AFF4: variants seen among roughly 807,000 people sequenced by gnomAD.
AFF4 encodes the protein AF4/FMR2 family member 4.
Under a neutral mutation model 124.8 loss-of-function variants are expected in AFF4, and 13 were observed. The ratio of observed to expected loss-of-function variants is 0.10; its 90% CI spans 0.07 to 0.17. The LOEUF (loss-of-function observed/expected upper bound fraction) is 0.17, where lower values mean the gene tolerates loss of function less well. Among genes scored for constraint, AFF4 ranks in the 10% least tolerant of loss-of-function variants. The pLI is 1.00. For synonymous variants in AFF4, 477 were observed against 496.1 expected, an observed-to-expected ratio of 0.96 and a Z score of 0.51; for missense variants, 1,092 against 1,403.8, an observed-to-expected ratio of 0.78 and a Z score of 3.55.
chr5:132,945,928 C>T (rs368367266), intron 1 of AFF4, among the ~76,000 whole-genome samples: 14 of 150,688 alleles, frequency 9.3e-5, no homozygotes, highest in East Asian at 7.9e-4. Flanking sequence ...GGCGTGGTGG[C>T]GCAAGCCTGT....
At chr5:132,926,850 G>A (rs1056975662) in intron 5 of AFF4, 5 of 287,720 alleles carry the variant, frequency 1.7e-5, no homozygotes, top group Admixed American at 1.7e-4. Flanking sequence ...GTGAGCCACC[G>A]TGTCCGGCTG....
intron 1 of AFF4, among the ~76,000 whole-genome samples, chr5:132,955,279 G>C (rs938018341): frequency 6.6e-6 from 1 of 151,870 alleles, no homozygotes; most frequent in Non-Finnish European, 1.5e-5. Flanking sequence ...TATGGAAAAG[G>C]AAACATTCAG....
At chr5:132,949,610 G>T (rs1187699596) in intron 1 of AFF4, among the ~76,000 whole-genome samples, 1 of 151,898 alleles carries the variant, frequency 6.6e-6, no homozygotes, top group Non-Finnish European at 1.5e-5. Flanking sequence ...AGGAGACTGA[G>T]ACCATCCTGC....
At chr5:132,922,778 CA>C (rs554387527) in intron 5 of AFF4, among the ~76,000 whole-genome samples, 374 of 56,728 alleles carry the variant, frequency 6.6e-3, no homozygotes, top group Admixed American at 0.011. Context: ...GACTCCATCT[CA>C]AAAAAAAAAA....
At chr5:132,898,995 A>G in intron 9 of AFF4, 109 bp downstream of exon 9, 1 of 984,996 alleles carries the variant, frequency 1.0e-6, no homozygotes, top group South Asian at 1.5e-5. Flanking sequence ...GAATTGTACA[A>G]CCATTATCAA....
intron 1 of AFF4, chr5:132,945,030 A>G (rs1761665686): frequency 5.1e-6 from 1 of 196,058 alleles, no homozygotes; most frequent in African/African-American, 2.3e-5. Flanking sequence ...GTCTGCCCAG[A>G]AAGCTCGGAA....
chr5:132,918,179 G>A lies in AFF4; in HGVS notation c.1050+8942C>T, dbSNP rs945207934. On this transcript the variant is annotated intron_variant, in intron 5 of 20. Coordinates refer to ENST00000265343, the MANE Select transcript of AFF4 (RefSeq NM_014423.4). ...AGGCCAAGGTGGGCAGACCACTTGA[G>A]GCCAGGAGTTCGAGACTATCCTGGC... Among the ~76,000 whole-genome samples, 4 of 151,756 alleles carry A rather than the reference G, an allele frequency of 2.6e-5. No individual in the cohort carries two copies. In the East Asian group the frequency reaches 7.8e-4, roughly 29 times the overall value.
intron 5 of AFF4, among the ~76,000 whole-genome samples, chr5:132,920,413 G>A (rs898292738): frequency 2.7e-5 from 4 of 148,072 alleles, no homozygotes; most frequent in Non-Finnish European, 5.9e-5. Flanking sequence ...CTGGAGTGCA[G>A]TGGCATAATC....
chr5:132,958,961 C>A (rs889531383), intron 1 of AFF4, among the ~76,000 whole-genome samples: 34 of 152,246 alleles, frequency 2.2e-4, no homozygotes, highest in African/African-American at 7.9e-4. Flanking sequence ...ACATGAAGTT[C>A]TTTTACCTGT....
chr5:132,932,121 A>C, intron 4 of AFF4, 57 bp downstream of exon 4: 8 of 1,285,538 alleles, frequency 6.2e-6, no homozygotes, highest in Non-Finnish European at 8.7e-6. Context: ...GAGGGTAAGA[A>C]GGTGGCAGAG....
chr5:132,914,334 G>A (rs1011469382), intron 5 of AFF4, among the ~76,000 whole-genome samples: 6 of 152,026 alleles, frequency 3.9e-5, no homozygotes, highest in Non-Finnish European at 5.9e-5. Context: ...CGGGCGCAGC[G>A]GCTCACGCCT....
At chr5:132,890,834 C>T (rs1048223480) in intron 13 of AFF4, among the ~76,000 whole-genome samples, 7 of 151,896 alleles carry the variant, frequency 4.6e-5, no homozygotes, top group African/African-American at 1.5e-4. Flanking sequence ...AAGTTAAGCA[C>T]CGGATAAAAC....
Position 132,894,461 on chromosome 5 carries a change from T to C in AFF4, c.2308-1343A>G, listed in dbSNP as rs80288003. On this transcript the variant is annotated intron_variant, in intron 11 of 20. Transcript: ENST00000265343. ...TCTAAGTGAATCTAAGTTTTCCTTT[T>C]GCTTCAAATATCAGGGCACGAGAAT... Among the ~76,000 whole-genome samples the C allele has an allele frequency of 7.1e-4, 108 of 152,350 alleles. 2 individuals are homozygous for C. The East Asian group carries it at 0.02, about 28-fold the overall frequency.
chr5:132,881,018 G>A lies in AFF4; in HGVS notation c.*41C>T, dbSNP rs1223382119. On this transcript the variant is annotated 3_prime_UTR_variant, in exon 21 of 21. Coordinates refer to ENST00000265343, the MANE Select transcript of AFF4 (RefSeq NM_014423.4). ...CAGTTTTCCTTCGTGATGTGACACA[G>A]TGTTGTGGAGAAAATCAGAGGCAAC... 3 of 1,603,798 alleles carry A rather than the reference G, an allele frequency of 1.9e-6. No individual in the cohort carries two copies. The highest frequency in any genetic ancestry group is 2.6e-6 in the Non-Finnish European group (3 of 1,175,798).
chr5:132,936,077 C>A (rs1364017155), intron 2 of AFF4, among the ~76,000 whole-genome samples: 1 of 151,718 alleles, frequency 6.6e-6, no homozygotes. Context: ...ACCATCCTGG[C>A]TAACATGGTG....
At chr5:132,932,838 C>T (rs915100170) in intron 3 of AFF4, among the ~76,000 whole-genome samples, 3 of 152,052 alleles carry the variant, frequency 2.0e-5, no homozygotes, top group African/African-American at 7.3e-5. Context: ...ATTAGAGAGC[C>T]GAACTCAAGT....
intron 1 of AFF4, among the ~76,000 whole-genome samples, chr5:132,938,431 A>C (rs1221256183): frequency 6.6e-6 from 1 of 151,692 alleles, no homozygotes; most frequent in East Asian, 2.0e-4. Context: ...ATGGCTGGCT[A>C]ATTTTTTTAT....
At chr5:132,882,023 G>A (rs144422083) in intron 20 of AFF4, among the ~76,000 whole-genome samples, 29 of 151,736 alleles carry the variant, frequency 1.9e-4, no homozygotes, top group Admixed American at 1.2e-3. Context: ...TCCTAGCCTG[G>A]GCAACATAAT....
intron 10 of AFF4, 87 bp downstream of exon 10, chr5:132,898,140 TCTC>T (rs1212321181): frequency 1.4e-6 from 2 of 1,472,948 alleles, no homozygotes; most frequent in African/African-American, 1.4e-5. Flanking sequence ...CTTCTTTCCT[TCTC>T]CTTTTATATT....
Sources: gnomAD v4.1 joint callset for allele counts (sites outside exome capture counted in the v4.1 genomes callset) on GRCh38, gnomAD v4.1.1 for gene constraint, MANE v1.5 for transcripts, NCBI Gene and HGNC (gene_info 2026-07-23, HGNC 2026-07-21) for gene names.